The following VKORC1L1 variants were observed in gnomAD, a reference collection of about 807,000 sequenced individuals.
VKORC1L1 encodes vitamin K epoxide reductase complex subunit 1-like protein 1.
A neutral mutation model predicts 18.9 loss-of-function variants in VKORC1L1; 2 were observed. The ratio of observed to expected loss-of-function variants is 0.11; its 90% CI spans 0.04 to 0.33. The LOEUF is 0.33. VKORC1L1 is among the 10% of genes least tolerant of loss of function. The pLI, the probability that VKORC1L1 is intolerant of heterozygous loss-of-function variation, is 1.00. For synonymous variants in VKORC1L1, 96 were observed against 100.0 expected, an observed-to-expected ratio of 0.96 and a Z score of 0.24; for missense variants, 123 against 224.1, an observed-to-expected ratio of 0.55 and a Z score of 2.88.
At chr7:65,902,108 C>CA (rs1205493628) in intron 1 of VKORC1L1, among the ~76,000 whole-genome samples, 2 of 152,252 alleles carry the variant, frequency 1.3e-5, no homozygotes, top group Admixed American at 1.3e-4. Flanking sequence ...ACACAAAACT[C>CA]ATAGTGTTTG....
intron 1 of VKORC1L1, among the ~76,000 whole-genome samples, chr7:65,914,652 C>A (rs1789557035): frequency 2.0e-5 from 3 of 152,160 alleles, no homozygotes; most frequent in Admixed American, 1.3e-4. Context: ...TTCTTTTCCA[C>A]CCCTATATTG....
At chr7:65,874,476 C>A (rs1248173211) in intron 1 of VKORC1L1, among the ~76,000 whole-genome samples, 1 of 151,954 alleles carries the variant, frequency 6.6e-6, no homozygotes, top group Middle Eastern at 3.2e-3. Flanking sequence ...GGGAATCAAG[C>A]ATGAGCCACC....
At chr7:65,869,261 T>A (rs1788696025), upstream of VKORC1L1, among the ~76,000 whole-genome samples, 3 of 151,352 alleles carry the variant, frequency 2.0e-5, no homozygotes. Flanking sequence ...TTGCAGTGAG[T>A]CAAGATCACA....
intron 1 of VKORC1L1, among the ~76,000 whole-genome samples, chr7:65,906,906 G>A (rs1456794811): frequency 1.3e-5 from 2 of 152,154 alleles, no homozygotes; most frequent in Non-Finnish European, 2.9e-5. Flanking sequence ...TTACGCTCAG[G>A]TTGGGGACCT....
chr7:65,878,949 C>T (rs957661233), intron 1 of VKORC1L1, among the ~76,000 whole-genome samples: 10 of 152,086 alleles, frequency 6.6e-5, no homozygotes, highest in Non-Finnish European at 1.3e-4. Context: ...GTAAGGCATT[C>T]GCTGCTTCGG....
At chr7:65,902,415 G>A (rs1385942596) in intron 1 of VKORC1L1, among the ~76,000 whole-genome samples, 1 of 152,146 alleles carries the variant, frequency 6.6e-6, no homozygotes, top group Non-Finnish European at 1.5e-5. Flanking sequence ...CAGATCAGTG[G>A]ACTTGAAGAC....
intron 1 of VKORC1L1, among the ~76,000 whole-genome samples, chr7:65,880,923 C>G (rs1431187916): frequency 6.6e-6 from 1 of 152,162 alleles, no homozygotes; most frequent in Non-Finnish European, 1.5e-5. Context: ...TTGAGGATCC[C>G]TAATCCGAAA....
chr7:65,955,283 G>GATGGAA lies in VKORC1L1; in HGVS notation c.*985_*990dup, dbSNP rs1300394577. 6.6e-6 allele frequency: 1 copy of GATGGAA among 152,198 alleles called. No homozygotes were observed. Among genetic ancestry groups the GATGGAA allele is most frequent in the Non-Finnish European group, 1.5e-5 (1 of 68,042 alleles). The allele number at this position is 152,198 out of a possible 1,614,324, so 9.4% of individuals were successfully genotyped here. ...GTGCCAGTCAAGCAAAGAGTATTAT[G>GATGGAA]ATGGAAAAGACCAGTCCAAGCCCCA... is the stretch of plus-strand genomic sequence containing the variant. On this transcript the variant is annotated 3_prime_UTR_variant, in exon 3 of 3. Transcript: ENST00000360768.
intron 1 of VKORC1L1, among the ~76,000 whole-genome samples, chr7:65,921,520 A>C (rs1789675067): frequency 6.6e-6 from 1 of 152,078 alleles, no homozygotes; most frequent in South Asian, 2.1e-4. Context: ...CAAGTAGTTG[A>C]GATTACAGGT....
At chr7:65,883,394 A>AC (rs1470784685) in intron 1 of VKORC1L1, among the ~76,000 whole-genome samples, 1 of 150,896 alleles carries the variant, frequency 6.6e-6, no homozygotes, top group Non-Finnish European at 1.5e-5. Context: ...CAAATGATCC[A>AC]CCCCCACTTG....
intron 1 of VKORC1L1, among the ~76,000 whole-genome samples, chr7:65,926,943 G>C (rs548690904): frequency 3.3e-4 from 50 of 152,252 alleles, no homozygotes; most frequent in African/African-American, 1.1e-3. Context: ...AGATATACTA[G>C]ACTGTGGAGA....
At chr7:65,921,970 A>C (rs1333411239) in intron 1 of VKORC1L1, among the ~76,000 whole-genome samples, 1 of 152,156 alleles carries the variant, frequency 6.6e-6, no homozygotes, top group African/African-American at 2.4e-5. Flanking sequence ...TACAGGCATG[A>C]GCCACCTCAT....
chr7:65,950,069 G>C (rs1790187495), intron 2 of VKORC1L1, among the ~76,000 whole-genome samples: 1 of 151,892 alleles, frequency 6.6e-6, no homozygotes, highest in African/African-American at 2.4e-5. Context: ...TTATTTTTAA[G>C]ACATGCTTTG....
chr7:65,874,528 C>T (rs1421487836), intron 1 of VKORC1L1, among the ~76,000 whole-genome samples: 2 of 152,164 alleles, frequency 1.3e-5, no homozygotes, highest in South Asian at 2.1e-4. Context: ...CTTTTCTTGG[C>T]CGGGCACAGT....
intron 1 of VKORC1L1, among the ~76,000 whole-genome samples, chr7:65,884,391 C>T (rs1788978918): frequency 6.6e-6 from 1 of 152,138 alleles, no homozygotes; most frequent in Admixed American, 6.5e-5. Flanking sequence ...AATCCCAGCA[C>T]TTTGGGAGGC....
chr7:65,883,399 C>T (rs926654756), intron 1 of VKORC1L1, among the ~76,000 whole-genome samples: 3 of 152,002 alleles, frequency 2.0e-5, no homozygotes, highest in Admixed American at 1.3e-4. Context: ...GATCCACCCC[C>T]ACTTGGCCTC....
intron 1 of VKORC1L1, among the ~76,000 whole-genome samples, chr7:65,903,323 C>G (rs530681718): frequency 6.6e-6 from 1 of 151,918 alleles, no homozygotes. Context: ...CATGCCACCA[C>G]GCCTGGCTAA....
At chr7:65,884,531 GGAAGCTGAGGCAGGA>G (rs1341910374) in intron 1 of VKORC1L1, among the ~76,000 whole-genome samples, 1 of 152,118 alleles carries the variant, frequency 6.6e-6, no homozygotes, top group Non-Finnish European at 1.5e-5. Flanking sequence ...CAGCTACTTG[GGAAGCTGAGGCAGGA>G]GAATTGCTTG....
intron 1 of VKORC1L1, among the ~76,000 whole-genome samples, chr7:65,929,837 A>G (rs1289881021): frequency 6.6e-6 from 1 of 151,370 alleles, no homozygotes; most frequent in Non-Finnish European, 1.5e-5. Context: ...ACCCCTACTG[A>G]TATTTTGGTT....
Sources: gnomAD v4.1 joint callset for allele counts (sites outside exome capture counted in the v4.1 genomes callset) on GRCh38, gnomAD v4.1.1 for gene constraint, MANE v1.5 for transcripts, NCBI Gene and HGNC (gene_info 2026-07-23, HGNC 2026-07-21) for gene names.